The following DISC1 variants were observed in gnomAD, a reference collection of about 807,000 sequenced individuals.
DISC1 encodes the protein disrupted in schizophrenia 1 protein.
DISC1 carries 57 observed loss-of-function variants against 84.5 expected under a neutral mutation model. That is an observed-to-expected ratio of 0.67 (90% CI 0.55 to 0.84). The LOEUF (loss-of-function observed/expected upper bound fraction) is 0.84. Among genes scored for constraint, DISC1 ranks in the 40% least tolerant of loss-of-function variants. DISC1 has a pLI of 0.00. For missense variants in DISC1, 1,000 were observed against 1,057.8 expected, an observed-to-expected ratio of 0.95 and a Z score of 0.76; for synonymous variants, 411 against 415.2, an observed-to-expected ratio of 0.99 and a Z score of 0.12.
At chr1:231,783,182 G>A (rs1433252515) in intron 6 of DISC1, among the ~76,000 whole-genome samples, 1 of 152,092 alleles carries the variant, frequency 6.6e-6, no homozygotes, top group East Asian at 1.9e-4. Context: ...GAGTTTTTGG[G>A]GGTGGGGGAA....
intron 1 of DISC1, among the ~76,000 whole-genome samples, chr1:231,671,536 C>G (rs1279563352): frequency 6.6e-6 from 1 of 152,170 alleles, no homozygotes; most frequent in East Asian, 1.9e-4. Context: ...TAGCTGCCTT[C>G]TTCTCCCCAG....
intron 11 of DISC1, among the ~76,000 whole-genome samples, chr1:232,024,656 G>A (rs927683648): frequency 1.3e-5 from 2 of 151,706 alleles, no homozygotes; most frequent in Non-Finnish European, 2.9e-5. Flanking sequence ...GCAGTGGCAT[G>A]ATCTCAGATC....
rs998866948 is a variant in DISC1 at position 231,858,193 on chromosome 1, G to A, written c.1981+39676G>A. Among the ~76,000 whole-genome samples the A allele has an allele frequency of 3.3e-5, 5 of 152,280 alleles. No individual in the cohort carries two copies. In the East Asian group the frequency reaches 9.6e-4, roughly 29 times the overall value. On this transcript the variant is annotated intron_variant, in intron 9 of 12. Coordinates refer to ENST00000439617, the MANE Select transcript of DISC1 (RefSeq NM_018662.3). ...AAAATATAGCCTCACTGAATTTCTTGTCTTGTCTTCCAAGACATTAAGTCA... is the reference window on the plus strand; with the variant it reads ...AAAATATAGCCTCACTGAATTTCTTATCTTGTCTTCCAAGACATTAAGTCA...
intron 10 of DISC1, among the ~76,000 whole-genome samples, chr1:231,975,437 A>G (rs1346677777): frequency 6.6e-6 from 1 of 152,218 alleles, no homozygotes; most frequent in East Asian, 1.9e-4. Context: ...AACTAAAAAT[A>G]GAACCTCCAT....
intron 10 of DISC1, among the ~76,000 whole-genome samples, chr1:231,976,425 G>A (rs923729569): frequency 6.6e-5 from 10 of 152,194 alleles, no homozygotes; most frequent in African/African-American, 2.4e-4. Flanking sequence ...AAAAGCCGGG[G>A]TGACCTTTCT....
chr1:231,664,076 A>ATCCG (rs1428005168), intron 1 of DISC1, among the ~76,000 whole-genome samples: 2 of 151,718 alleles, frequency 1.3e-5, no homozygotes, highest in African/African-American at 4.8e-5. Context: ...CCATCCATCC[A>ATCCG]TCCGTCTATC....
intron 9 of DISC1, among the ~76,000 whole-genome samples, chr1:231,857,065 T>C (rs946225288): frequency 9.8e-5 from 15 of 152,306 alleles, no homozygotes; most frequent in Admixed American, 4.6e-4. Flanking sequence ...TTCAGTGTTT[T>C]GGGCAAAAGC....
chr1:231,675,401 C>T lies in DISC1; in HGVS notation c.68-18425C>T, dbSNP rs146781951. On this transcript the variant is annotated intron_variant, in intron 1 of 12. Transcript: ENST00000439617. The surrounding 1 kb of genome is among the most constrained non-coding windows in gnomAD (Gnocchi z 4.1). ...CTTTGTGGTGGTTAACACTCAACCT[C>T]AGAGACAAAGATCTAAGCAGGAAGG... Among the ~76,000 whole-genome samples, 399 of 152,252 alleles carry T rather than the reference C, an allele frequency of 2.6e-3. 3 individuals are homozygous for T. The highest frequency in any genetic ancestry group is 9.3e-3 in the African/African-American group (386 of 41,538).
intron 8 of DISC1, 90 bp from the exon 9 acceptor site, chr1:231,818,239 G>T: frequency 7.6e-7 from 1 of 1,315,696 alleles, no homozygotes. Flanking sequence ...TGCCCATGCT[G>T]TGAATGTACA....
intron 10 of DISC1, among the ~76,000 whole-genome samples, chr1:231,961,450 G>T (rs901551877): frequency 6.6e-6 from 1 of 152,126 alleles, no homozygotes; most frequent in Non-Finnish European, 1.5e-5. Context: ...TGTATCGTGC[G>T]ATGCTGAGGT....
intron 9 of DISC1, among the ~76,000 whole-genome samples, chr1:231,850,482 C>T (rs151241251): frequency 5.3e-5 from 8 of 152,188 alleles, no homozygotes; most frequent in Admixed American, 1.3e-4. Flanking sequence ...AAAATCTTCC[C>T]GAGTTGTGCG....
intron 9 of DISC1, among the ~76,000 whole-genome samples, chr1:231,869,757 G>A (rs1374253464): frequency 6.6e-6 from 1 of 152,106 alleles, no homozygotes; most frequent in Non-Finnish European, 1.5e-5. Context: ...AAACATTGGG[G>A]AGCAAATCTT....
chr1:231,717,835 A>G (rs984170221), intron 3 of DISC1, among the ~76,000 whole-genome samples: 11 of 152,264 alleles, frequency 7.2e-5, no homozygotes, highest in Non-Finnish European at 1.6e-4. Flanking sequence ...AAATCTCTTC[A>G]TTAATAAAAA....
At chr1:231,773,207 A>G (rs2076689039) in intron 6 of DISC1, among the ~76,000 whole-genome samples, 1 of 152,150 alleles carries the variant, frequency 6.6e-6, no homozygotes, top group Non-Finnish European at 1.5e-5. Flanking sequence ...CTCTTTCCTC[A>G]TCTAAAACTA....
chr1:231,718,091 T>G (rs1341692231), intron 3 of DISC1, among the ~76,000 whole-genome samples: 1 of 152,136 alleles, frequency 6.6e-6, no homozygotes, highest in Non-Finnish European at 1.5e-5. Flanking sequence ...CTTTTCGATT[T>G]TATCTCTTAA....
chr1:231,936,330 A>G (rs186319790), intron 9 of DISC1, among the ~76,000 whole-genome samples: 1 of 152,032 alleles, frequency 6.6e-6, no homozygotes, highest in African/African-American at 2.4e-5. Context: ...TTTTCCCAGC[A>G]TCTAGCCCCA....
intron 3 of DISC1, among the ~76,000 whole-genome samples, chr1:231,737,452 G>A (rs12027635): frequency 0.16 from 24,062 of 152,186 alleles, 2,424 homozygotes; most frequent in Non-Finnish European, 0.22. Context: ...TAAACCTTGA[G>A]CTATAAACTG....
At chr1:231,904,793 TGATGCTG>T (rs947959997) in intron 9 of DISC1, among the ~76,000 whole-genome samples, 4 of 152,100 alleles carry the variant, frequency 2.6e-5, no homozygotes, top group African/African-American at 9.7e-5. Context: ...AGAGCCCTGT[TGATGCTG>T]GAAAACAAGG....
intron 12 of DISC1, among the ~76,000 whole-genome samples, chr1:232,028,026 C>G (rs1669637782): frequency 6.6e-6 from 1 of 152,132 alleles, no homozygotes; most frequent in Non-Finnish European, 1.5e-5. Flanking sequence ...TTTTGAAAAG[C>G]AGATATTCTG....
Sources: gnomAD v4.1 joint callset for allele counts (sites outside exome capture counted in the v4.1 genomes callset) on GRCh38, gnomAD v4.1.1 for gene constraint, Gnocchi (gnomAD v3.1) non-coding constraint, MANE v1.5 for transcripts, NCBI Gene and HGNC (gene_info 2026-07-23, HGNC 2026-07-21) for gene names.